The following NEGR1 variants were observed in gnomAD, a reference collection of about 807,000 sequenced individuals.
The protein encoded by NEGR1 is IgLON family member 4.
In NEGR1, 10 loss-of-function variants were observed where a neutral mutation model predicts 40.9. That is an observed-to-expected ratio of 0.24 (90% CI 0.15 to 0.42). The LOEUF (loss-of-function observed/expected upper bound fraction) is 0.42, where lower values mean the gene tolerates loss of function less well. Among genes scored for constraint, NEGR1 ranks in the 10% least tolerant of loss-of-function variants. The pLI is 1.00. For synonymous variants in NEGR1, 185 were observed against 166.8 expected (o/e 1.11, Z -0.84); for missense variants, 352 against 438.9 (o/e 0.80, Z 1.77).
chr1:71,673,796 TG>T (rs1297843650), intron 4 of NEGR1, among the ~76,000 whole-genome samples: 1 of 12,968 alleles, frequency 7.7e-5, no homozygotes, highest in African/African-American at 1.1e-4. Context: ...TTTCCATTAA[TG>T]ATATTTTTTT....
intron 6 of NEGR1, among the ~76,000 whole-genome samples, chr1:71,418,225 A>C (rs1209882546): frequency 6.6e-6 from 1 of 151,888 alleles, no homozygotes; most frequent in Non-Finnish European, 1.5e-5. Flanking sequence ...AATGGGGAAA[A>C]AATGTGGTAG....
intron 1 of NEGR1, among the ~76,000 whole-genome samples, chr1:72,000,468 A>C (rs1646547410): frequency 6.6e-6 from 1 of 152,156 alleles, no homozygotes; most frequent in Non-Finnish European, 1.5e-5. Context: ...AACTTCAAAA[A>C]TATAAATGCT....
chr1:72,048,292 C>A (rs1647021763), intron 1 of NEGR1, among the ~76,000 whole-genome samples: 1 of 151,614 alleles, frequency 6.6e-6, no homozygotes, highest in Admixed American at 6.6e-5. Context: ...GAATTGGAAG[C>A]AACTTTAGAG....
At chr1:71,508,211 C>T (rs1647048652) in intron 6 of NEGR1, among the ~76,000 whole-genome samples, 1 of 152,070 alleles carries the variant, frequency 6.6e-6, no homozygotes, top group South Asian at 2.1e-4. Context: ...AGACAAGCTC[C>T]ACCCAAGCAG....
chr1:71,828,539 C>T (rs1658724814), intron 2 of NEGR1, among the ~76,000 whole-genome samples: 3 of 151,728 alleles, frequency 2.0e-5, no homozygotes, highest in Non-Finnish European at 4.4e-5. Flanking sequence ...CTTTGTCTCG[C>T]TCTCTTTTTC....
chr1:72,190,192 T>C (rs1652769143), intron 1 of NEGR1, among the ~76,000 whole-genome samples: 1 of 151,612 alleles, frequency 6.6e-6, no homozygotes, highest in Non-Finnish European at 1.5e-5. Context: ...CATCCATCCA[T>C]ACATGTCAAA....
chr1:72,059,025 A>G (rs1647140756), intron 1 of NEGR1, among the ~76,000 whole-genome samples: 1 of 151,622 alleles, frequency 6.6e-6, no homozygotes, highest in South Asian at 2.1e-4. Flanking sequence ...TGCGCATTGG[A>G]AATACAACTA....
chr1:72,246,885 C>T (rs1220615432), intron 1 of NEGR1, among the ~76,000 whole-genome samples: 1 of 152,254 alleles, frequency 6.6e-6, no homozygotes, highest in African/African-American at 2.4e-5. Flanking sequence ...TAGGCAGAGG[C>T]TGCCAAGTGT....
chr1:71,812,511 C>T (rs1658039111), intron 2 of NEGR1, among the ~76,000 whole-genome samples: 1 of 152,166 alleles, frequency 6.6e-6, no homozygotes, highest in Admixed American at 6.6e-5. Flanking sequence ...TACACTCCCA[C>T]CAACAGTGTA....
intron 2 of NEGR1, among the ~76,000 whole-genome samples, chr1:71,848,400 G>T (rs1044738701): frequency 6.6e-6 from 1 of 152,178 alleles, no homozygotes; most frequent in Non-Finnish European, 1.5e-5. Context: ...TGCTTCAAAG[G>T]AGAAGCTGAC....
intron 1 of NEGR1, among the ~76,000 whole-genome samples, chr1:72,279,437 G>T (rs1205080088): frequency 6.6e-6 from 1 of 151,944 alleles, no homozygotes; most frequent in East Asian, 1.9e-4. Flanking sequence ...GCCACTATTT[G>T]TTTTTTATTA....
chr1:71,988,078 T>C (rs905868213), intron 1 of NEGR1, among the ~76,000 whole-genome samples: 15 of 152,242 alleles, frequency 9.9e-5, no homozygotes, highest in Non-Finnish European at 2.1e-4. Flanking sequence ...CTGGCTCTTG[T>C]GGCCACTGTG....
At chr1:71,631,823 A>G (rs1339820880) in intron 4 of NEGR1, among the ~76,000 whole-genome samples, 1 of 151,832 alleles carries the variant, frequency 6.6e-6, no homozygotes, top group Admixed American at 6.6e-5. Flanking sequence ...GACAAAGATC[A>G]TACAAGAATT....
At chr1:72,125,360 T>C (rs1041994460) in intron 1 of NEGR1, among the ~76,000 whole-genome samples, 1 of 152,068 alleles carries the variant, frequency 6.6e-6, no homozygotes, top group Non-Finnish European at 1.5e-5. Flanking sequence ...TACTCTAAAA[T>C]AGCAATAACA....
chr1:71,419,538 C>A (rs1382099833), intron 6 of NEGR1, among the ~76,000 whole-genome samples: 1 of 152,144 alleles, frequency 6.6e-6, no homozygotes, highest in Non-Finnish European at 1.5e-5. Context: ...GTCTTAAAAT[C>A]TTAATTAAAT....
At chr1:71,579,603 A>ATTTTT (rs36097070) in intron 6 of NEGR1, among the ~76,000 whole-genome samples, 5 of 138,876 alleles carry the variant, frequency 3.6e-5, no homozygotes, top group South Asian at 2.3e-4. Flanking sequence ...ACTACTTAAG[A>ATTTTT]TTTTTTTTTT....
chr1:71,927,818 T>TTAAAAAAAAAAAAAAAA (rs1645789701), intron 2 of NEGR1, among the ~76,000 whole-genome samples: 1 of 22,428 alleles, frequency 4.5e-5, no homozygotes, highest in Non-Finnish European at 7.3e-5. Context: ...ACCCAATCTC[T>TTAAAAAAAAAAAAAAAA]AAAAAAAAAA....
At chr1:72,145,737 A>G (rs1441550886) in intron 1 of NEGR1, among the ~76,000 whole-genome samples, 1 of 151,932 alleles carries the variant, frequency 6.6e-6, no homozygotes, top group Non-Finnish European at 1.5e-5. Context: ...TCCAATCTTT[A>G]TCTCTACCTT....
At chr1:71,569,631 T>C (rs545670933) in intron 6 of NEGR1, among the ~76,000 whole-genome samples, 17 of 152,238 alleles carry the variant, frequency 1.1e-4, no homozygotes, top group Non-Finnish European at 2.2e-4. Context: ...TTCAGTTTTG[T>C]TGGGGTTACA....
Sources: allele counts gnomAD v4.1 joint callset (sites outside exome capture counted in the v4.1 genomes callset), GRCh38; gene constraint gnomAD v4.1.1; transcripts MANE v1.5; gene names NCBI Gene and HGNC (gene_info 2026-07-23, HGNC 2026-07-21).